DMD: variants seen among roughly 807,000 people sequenced by gnomAD.
DMD encodes the protein dystrophin.
A neutral mutation model predicts 330.1 loss-of-function variants in DMD; 63 were observed. The ratio of observed to expected loss-of-function variants is 0.19; its 90% confidence interval spans 0.16 to 0.24. DMD has a LOEUF of 0.24. Among genes scored for constraint, DMD ranks in the 10% least tolerant of loss-of-function variants. The pLI is 1.00. For synonymous variants in DMD, 1,223 were observed against 959.8 expected (o/e 1.27, Z -5.07); for missense variants, 3,344 against 2,684.1 (o/e 1.25, Z -5.43).
intron 2 of DMD, among the ~76,000 whole-genome samples, chrX:33,000,929 C>T (rs6631703): frequency 9.1e-6 from 1 of 109,896 alleles, no homozygotes; most frequent in Non-Finnish European, 1.9e-5. Flanking sequence ...CTACATCTAC[C>T]ATTCATTTCT....
intron 4 of DMD, among the ~76,000 whole-genome samples, chrX:32,827,747 G>A (rs891827721): frequency 9.7e-6 from 1 of 103,370 alleles, no homozygotes; most frequent in East Asian, 3.2e-4. Context: ...CACAACCTCC[G>A]CCTCCCGAGT....
At chrX:32,384,667 T>C (rs1367015171) in intron 33 of DMD, among the ~76,000 whole-genome samples, 3 of 111,069 alleles carry the variant, frequency 2.7e-5, no homozygotes, top group African/African-American at 9.8e-5. Context: ...CTTGAAGATA[T>C]AACCTTCAAT....
intron 52 of DMD, among the ~76,000 whole-genome samples, chrX:31,687,967 C>T (rs748949365): frequency 9.0e-6 from 1 of 111,289 alleles, no homozygotes; most frequent in Non-Finnish European, 1.9e-5. Flanking sequence ...TTTGTATCAA[C>T]TTTCTATCCC....
intron 60 of DMD, among the ~76,000 whole-genome samples, chrX:31,366,815 T>C: frequency 9.2e-6 from 1 of 108,586 alleles, no homozygotes; most frequent in Non-Finnish European, 1.9e-5. Context: ...AGTCTATTTC[T>C]GTCTGTCTGA....
chrX:32,432,626 G>A, intron 29 of DMD, among the ~76,000 whole-genome samples: 1 of 112,078 alleles, frequency 8.9e-6, no homozygotes, highest in Non-Finnish European at 1.9e-5. Context: ...TAAGTTTGAT[G>A]TTGCTTCTAA....
chrX:32,328,732 T>C (rs1047128640), intron 41 of DMD, among the ~76,000 whole-genome samples: 7 of 110,086 alleles, frequency 6.4e-5, no homozygotes, highest in African/African-American at 2.3e-4. Flanking sequence ...AGTTCTGCCC[T>C]TTACTTTTTC....
intron 2 of DMD, among the ~76,000 whole-genome samples, chrX:32,952,823 A>G (rs1220226623): frequency 9.0e-6 from 1 of 110,778 alleles, no homozygotes; most frequent in Non-Finnish European, 1.9e-5. Context: ...ACCTTAGTAG[A>G]GCTTCCAAAT....
At chrX:33,222,722 T>G (rs770009513) in intron 1 of DMD, among the ~76,000 whole-genome samples, 1 of 111,923 alleles carries the variant, frequency 8.9e-6, no homozygotes, top group Non-Finnish European at 1.9e-5. Flanking sequence ...ATACAAAAAT[T>G]GATTGTAACC....
intron 44 of DMD, among the ~76,000 whole-genome samples, chrX:32,113,354 G>A (rs897569531): frequency 1.2e-4 from 14 of 112,375 alleles, no homozygotes; most frequent in Middle Eastern, 4.2e-3. Flanking sequence ...TTGAGGTGAC[G>A]GATACAGAAA....
At chrX:32,048,300 G>A (rs2147480104) in intron 44 of DMD, among the ~76,000 whole-genome samples, 1 of 104,286 alleles carries the variant, frequency 9.6e-6, no homozygotes, top group South Asian at 4.4e-4. Flanking sequence ...GATTTGAACT[G>A]TGTTTTTTTT....
intron 1 of DMD, among the ~76,000 whole-genome samples, chrX:33,083,042 A>AAGAGAG (rs759997903): frequency 9.2e-6 from 1 of 108,136 alleles, no homozygotes; most frequent in African/African-American, 3.4e-5. Context: ...AATGCAGAGA[A>AAGAGAG]AGAGAGAGAG....
chrX:33,264,192 G>A (rs2053005190), intron 1 of DMD, among the ~76,000 whole-genome samples: 2 of 110,990 alleles, frequency 1.8e-5, no homozygotes, highest in African/African-American at 6.5e-5. Flanking sequence ...ATGCACTGTC[G>A]AGTCCATGGA....
rs1011968115 is a variant in DMD at position 31,380,328 on chromosome X, G to A, written c.9085-31694C>T. Among the ~76,000 whole-genome samples the A allele has an allele frequency of 2.7e-5, 3 of 109,903 alleles. No individual in the cohort carries two copies. In the Admixed American group the frequency reaches 2.9e-4, roughly 11 times the overall value. ...TCCTAGGCTAGAGCCACACCTCATT[G>A]CCGCCTTTTCCCCCAGTTCAAAGCC... On this transcript the variant is annotated intron_variant, in intron 60 of 78. Coordinates refer to ENST00000357033, the MANE Select transcript of DMD (RefSeq NM_004006.3).
At chrX:32,792,937 C>T (rs933538353) in intron 7 of DMD, among the ~76,000 whole-genome samples, 2 of 112,122 alleles carry the variant, frequency 1.8e-5, no homozygotes, top group Non-Finnish European at 3.8e-5. Flanking sequence ...TGGCTTGAAA[C>T]TGCTCCTTAG....
intron 2 of DMD, among the ~76,000 whole-genome samples, chrX:32,945,604 T>G (rs1469736824): frequency 9.0e-6 from 1 of 111,648 alleles, no homozygotes; most frequent in African/African-American, 3.2e-5. Flanking sequence ...TGAGGATACC[T>G]TCAATATTTC....
intron 76 of DMD, among the ~76,000 whole-genome samples, chrX:31,135,032 C>CA (rs1292732386): frequency 5.7e-5 from 6 of 105,607 alleles, no homozygotes; most frequent in Non-Finnish European, 1.1e-4. Flanking sequence ...TATTTAAAAA[C>CA]AAAAAAACAA....
chrX:32,843,533 T>C (rs1198185106), intron 4 of DMD, among the ~76,000 whole-genome samples: 1 of 112,151 alleles, frequency 8.9e-6, no homozygotes, highest in Non-Finnish European at 1.9e-5. Flanking sequence ...CTGCACAGTT[T>C]CCATTTCCAT....
intron 62 of DMD, among the ~76,000 whole-genome samples, chrX:31,307,000 G>A (rs1603339979): frequency 9.0e-6 from 1 of 110,724 alleles, no homozygotes; most frequent in Non-Finnish European, 1.9e-5. Context: ...CCAGGCCACG[G>A]CAACTACTGT....
At chrX:32,377,783 ATAAAAATGTC>A (rs1474494414) in intron 34 of DMD, among the ~76,000 whole-genome samples, 3 of 111,671 alleles carry the variant, frequency 2.7e-5, no homozygotes, top group Non-Finnish European at 5.7e-5. Context: ...GCATGCCTGT[ATAAAAATGTC>A]TCCTATAATT....
Sources: allele counts gnomAD v4.1 joint callset (sites outside exome capture counted in the v4.1 genomes callset), GRCh38; gene constraint gnomAD v4.1.1; transcripts MANE v1.5; gene names NCBI Gene and HGNC (gene_info 2026-07-23, HGNC 2026-07-21).